The following TAFA4 variants were observed in gnomAD, a reference collection of about 807,000 sequenced individuals.
TAFA4 encodes TAFA chemokine like family member 4, also known as chemokine-like protein TAFA-4.
Under a neutral mutation model 21.1 loss-of-function variants are expected in TAFA4, and 20 were observed. The observed-to-expected ratio is 0.95, with a 90% confidence interval of 0.67 to 1.38. The LOEUF (loss-of-function observed/expected upper bound fraction) is 1.38, where lower values mean the gene tolerates loss of function less well. TAFA4 is among the 40% of genes most tolerant of loss of function. TAFA4 has a pLI of 0.00. For synonymous variants in TAFA4, 71 were observed against 67.4 expected, an observed-to-expected ratio of 1.05 and a Z score of -0.26; for missense variants, 211 against 180.9, an observed-to-expected ratio of 1.17 and a Z score of -0.95.
At chr3:68,912,180 A>T (rs545165531) in intron 1 of TAFA4, among the ~76,000 whole-genome samples, 1 of 152,216 alleles carries the variant, frequency 6.6e-6, no homozygotes, top group African/African-American at 2.4e-5. Flanking sequence ...AATATGAGCC[A>T]GTTTTGCTTT....
At chr3:68,863,007 A>C (rs1286513324) in intron 3 of TAFA4, among the ~76,000 whole-genome samples, 1 of 151,300 alleles carries the variant, frequency 6.6e-6, no homozygotes, top group Admixed American at 6.6e-5. Flanking sequence ...TCCAAGGCTG[A>C]CCAATCGCTT....
intron 3 of TAFA4, among the ~76,000 whole-genome samples, chr3:68,803,154 G>A (rs1446804316): frequency 6.6e-6 from 1 of 151,966 alleles, no homozygotes; most frequent in Non-Finnish European, 1.5e-5. Context: ...TTATTTTGTA[G>A]TTACCAGGCT....
At chr3:68,808,947 A>G (rs1398407471) in intron 3 of TAFA4, among the ~76,000 whole-genome samples, 4 of 152,222 alleles carry the variant, frequency 2.6e-5, no homozygotes, top group Non-Finnish European at 5.9e-5. Flanking sequence ...AAAAGAACAT[A>G]GAAACCCCCA....
chr3:68,742,519 C>T (rs756618329), intron 4 of TAFA4, among the ~76,000 whole-genome samples: 1 of 152,094 alleles, frequency 6.6e-6, no homozygotes, highest in Non-Finnish European at 1.5e-5. Context: ...CGGCTAATTT[C>T]CTTCCTGCAT....
intron 3 of TAFA4, among the ~76,000 whole-genome samples, chr3:68,854,067 C>A (rs1186179305): frequency 6.6e-6 from 1 of 151,982 alleles, no homozygotes; most frequent in Non-Finnish European, 1.5e-5. Flanking sequence ...AATAGGATGT[C>A]ATATAATTAT....
At chr3:68,896,643 T>C (rs940924154) in intron 1 of TAFA4, among the ~76,000 whole-genome samples, 2 of 152,326 alleles carry the variant, frequency 1.3e-5, no homozygotes, top group East Asian at 1.9e-4. Flanking sequence ...AAACACCTTA[T>C]TGACTGCTTG....
intron 3 of TAFA4, among the ~76,000 whole-genome samples, chr3:68,780,838 C>G (rs1296951412): frequency 6.6e-6 from 1 of 151,322 alleles, no homozygotes; most frequent in Non-Finnish European, 1.5e-5. Flanking sequence ...CCAAAAGCAT[C>G]AGAATACATA....
At chr3:68,830,400 T>C (rs1559536078) in intron 3 of TAFA4, among the ~76,000 whole-genome samples, 1 of 152,244 alleles carries the variant, frequency 6.6e-6, no homozygotes, top group Non-Finnish European at 1.5e-5. Flanking sequence ...TTTGTTCTCA[T>C]TGGTTTCAAA....
At chr3:68,860,232 C>CG (rs948853251) in intron 3 of TAFA4, among the ~76,000 whole-genome samples, 8 of 152,086 alleles carry the variant, frequency 5.3e-5, no homozygotes, top group African/African-American at 1.9e-4. Flanking sequence ...ACTGATGAGG[C>CG]GAAAGCTTGT....
chr3:68,831,206 A>G (rs1420147018), intron 3 of TAFA4, among the ~76,000 whole-genome samples: 1 of 152,156 alleles, frequency 6.6e-6, no homozygotes, highest in Non-Finnish European at 1.5e-5. Flanking sequence ...TAATATTGTT[A>G]TGTGTGAATT....
chr3:68,846,584 A>G (rs900272665), intron 3 of TAFA4, among the ~76,000 whole-genome samples: 4 of 152,042 alleles, frequency 2.6e-5, no homozygotes, highest in Non-Finnish European at 5.9e-5. Context: ...TGATCCTTTG[A>G]AAGAGAAGAG....
At chr3:68,755,253 T>C (rs1248095871) in intron 3 of TAFA4, among the ~76,000 whole-genome samples, 3 of 152,314 alleles carry the variant, frequency 2.0e-5, no homozygotes, top group Non-Finnish European at 4.4e-5. Context: ...GTAATTTACA[T>C]TGGAATCCAT....
intron 1 of TAFA4, among the ~76,000 whole-genome samples, chr3:68,891,643 CAGA>C (rs1320052014): frequency 5.9e-5 from 9 of 152,124 alleles, no homozygotes; most frequent in Admixed American, 2.6e-4. Flanking sequence ...TCCACCCAGA[CAGA>C]AGATGATGGA....
At chr3:68,910,277 T>A (rs2089948592) in intron 1 of TAFA4, among the ~76,000 whole-genome samples, 1 of 152,180 alleles carries the variant, frequency 6.6e-6, no homozygotes. Context: ...GATGTGGGGA[T>A]CATAGGGGCC....
At chr3:68,811,241 C>T (rs141932175) in intron 3 of TAFA4, among the ~76,000 whole-genome samples, 2,617 of 152,266 alleles carry the variant, frequency 0.017, 77 homozygotes, top group African/African-American at 0.06. Context: ...AGCAGAAAAA[C>T]TGGAAACTCT....
chr3:68,805,089 A>C (rs1027363452), intron 3 of TAFA4, among the ~76,000 whole-genome samples: 1 of 152,188 alleles, frequency 6.6e-6, no homozygotes, highest in African/African-American at 2.4e-5. Flanking sequence ...TCTACAATGA[A>C]CTCAAACAAA....
chr3:68,904,025 A>G (rs534197665), intron 1 of TAFA4, among the ~76,000 whole-genome samples: 1 of 151,752 alleles, frequency 6.6e-6, no homozygotes, highest in East Asian at 1.9e-4. Context: ...ACCAGTCACA[A>G]AAGCACCAGA....
At chr3:68,830,763 G>T (rs1194145715) in intron 3 of TAFA4, among the ~76,000 whole-genome samples, 1 of 152,144 alleles carries the variant, frequency 6.6e-6, no homozygotes, top group African/African-American at 2.4e-5. Flanking sequence ...CTGTCTCGTT[G>T]ATCTGTCTAA....
chr3:68,873,530 C>T (rs932438742), intron 3 of TAFA4, among the ~76,000 whole-genome samples: 2 of 152,036 alleles, frequency 1.3e-5, no homozygotes, highest in African/African-American at 2.4e-5. Context: ...TATGTTTAGC[C>T]GGCAACAGCT....
Sources: allele counts gnomAD v4.1 joint callset (sites outside exome capture counted in the v4.1 genomes callset), GRCh38; gene constraint gnomAD v4.1.1; transcripts MANE v1.5; gene names NCBI Gene and HGNC (gene_info 2026-07-23, HGNC 2026-07-21).